The following HAS3 variants were observed in gnomAD, a reference collection of about 807,000 sequenced individuals.
The protein encoded by HAS3 is HA synthase 3.
Under a neutral mutation model 50.3 loss-of-function variants are expected in HAS3, and 27 were observed. That is an observed-to-expected ratio of 0.54 (90% CI 0.40 to 0.74). The LOEUF (loss-of-function observed/expected upper bound fraction) is 0.74, where lower values mean the gene tolerates loss of function less well. HAS3 is among the 30% of genes least tolerant of loss of function. The pLI is 0.00. For missense variants in HAS3, 517 were observed against 742.8 expected (o/e 0.70, Z 3.53); for synonymous variants, 339 against 310.9 (o/e 1.09, Z -0.95).
chr16:69,101,816 G>T (rs909257491), upstream of HAS3, among the ~76,000 whole-genome samples: 5 of 147,130 alleles, frequency 3.4e-5, no homozygotes, highest in African/African-American at 1.3e-4. Context: ...ACGGGGTCTC[G>T]CCCTGTCGCC....
chr16:69,106,242 C>T lies in HAS3; in HGVS notation c.-1+455C>T, dbSNP rs934682922. 5 of 151,732 alleles carry T rather than the reference C, an allele frequency of 3.3e-5. No individual in the cohort carries two copies. The highest frequency in any genetic ancestry group is 1.2e-4 in the African/African-American group (5 of 41,290). The allele number at this position is 151,732 out of a possible 1,614,324, so 9.4% of individuals were successfully genotyped here. On this transcript the variant is annotated intron_variant, in intron 1 of 3. Coordinates refer to ENST00000569188, the MANE Select transcript of HAS3 (RefSeq NM_001199280.2). This position sits in a 1 kb window ranked among gnomAD's most constrained non-coding sequence, Gnocchi z 5.5. ...GCGGCAGTCGGAGCGCGCGGCGGCG[C>T]GGAGCGGAGCGGGAGGAGGGGCATG...
At chr16:69,089,417 G>A in the HAS3 span, among the ~76,000 whole-genome samples, 1 of 152,296 alleles carries the variant, frequency 6.6e-6, no homozygotes, top group South Asian at 2.1e-4. Context: ...CTGACTATGA[G>A]GGGTCTTCTT....
the HAS3 span, among the ~76,000 whole-genome samples, chr16:69,097,304 G>A: frequency 3.9e-5 from 6 of 151,944 alleles, no homozygotes; most frequent in East Asian, 1.9e-4. Flanking sequence ...GTGAAACCCC[G>A]TCTCTACTAA....
the HAS3 span, among the ~76,000 whole-genome samples, chr16:69,100,305 G>C: frequency 6.6e-6 from 1 of 152,168 alleles, no homozygotes; most frequent in African/African-American, 2.4e-5. Flanking sequence ...AGCTGAAGCC[G>C]CCTTGAAGAG....
chr16:69,086,178 T>A, the HAS3 span, among the ~76,000 whole-genome samples: 1 of 151,442 alleles, frequency 6.6e-6, no homozygotes, highest in African/African-American at 2.4e-5. Context: ...AATTTTTTTT[T>A]CTTTTTAACA....
chr16:69,099,347 T>A, the HAS3 span, among the ~76,000 whole-genome samples: 2 of 146,874 alleles, frequency 1.4e-5, no homozygotes, highest in Non-Finnish European at 3.0e-5. Flanking sequence ...ATTTTTTTTT[T>A]AGATGGTGTC....
the HAS3 span, among the ~76,000 whole-genome samples, chr16:69,088,075 A>G: frequency 6.6e-6 from 1 of 152,158 alleles, no homozygotes; most frequent in East Asian, 1.9e-4. Context: ...ATCCACATGT[A>G]AGAGCCAGTG....
the HAS3 span, among the ~76,000 whole-genome samples, chr16:69,085,610 A>G: frequency 6.8e-6 from 1 of 146,564 alleles, no homozygotes; most frequent in South Asian, 2.1e-4. Context: ...TTTTTTTGAG[A>G]CAGAGTCTCA....
Position 69,106,380 on chromosome 16 carries a change from CGCGCCGGGTGGCAGGGGT to C in HAS3, c.-1+596_-1+613del, listed in dbSNP as rs1960793894. ...GCGCGGGGCTGCGCCGAGGCCGGGG[CGCGCCGGGTGGCAGGGGT>C]GCCTCTCGCCGAGCCCCCCGCACCC... On this transcript the variant is annotated intron_variant, in intron 1 of 3. Coordinates refer to ENST00000569188, the MANE Select transcript of HAS3 (RefSeq NM_001199280.2). The surrounding 1 kb of genome is among the most constrained non-coding windows in gnomAD (Gnocchi z 5.5). 1 of 147,256 alleles carries C rather than the reference CGCGCCGGGTGGCAGGGGT, an allele frequency of 6.8e-6. No individual in the cohort carries two copies. Among genetic ancestry groups the C allele is most frequent in the Non-Finnish European group, 1.5e-5 (1 of 66,078 alleles). The allele number at this position is 147,256 out of a possible 1,614,324, so 9.1% of individuals were successfully genotyped here. A position where few individuals can be genotyped will look rare whatever the true frequency, so the allele number is the denominator to read the frequency against.
In HAS3 at chr16:69,114,346, C is replaced by T; in HGVS notation, c.742C>T (p.Leu248Phe). The T allele has an allele frequency of 6.3e-7, 1 of 1,594,472 alleles. No individual in the cohort carries two copies. Among genetic ancestry groups the T allele is most frequent in the South Asian group, 1.1e-5 (1 of 90,242 alleles). Residue 248 changes from leucine to phenylalanine, a missense_variant, in exon 4 of 4, where the codon CTC (leucine) becomes TTC (phenylalanine). Transcript: ENST00000569188. This position sits in a 1 kb window ranked among gnomAD's most constrained non-coding sequence, Gnocchi z 6.4. The stretch of plus-strand genomic sequence containing the variant: ...CAGCATCTCTATTCCCTTGCAGATC[C>T]TCAACAAGTACGACTCATGGATTTC... ...VGGVGGDVQILNKYDSWISFL... is the reference protein window; with the variant it reads ...VGGVGGDVQIFNKYDSWISFL...
chr16:69,084,718 G>T, the HAS3 span: 1 of 152,358 alleles, frequency 6.6e-6, no homozygotes, highest in African/African-American at 2.4e-5. Flanking sequence ...AGAGATGCTT[G>T]ATCAGTCCTC....
upstream of HAS3, among the ~76,000 whole-genome samples, chr16:69,103,963 G>A (rs1286779461): frequency 6.6e-6 from 1 of 152,204 alleles, no homozygotes; most frequent in East Asian, 1.9e-4. Flanking sequence ...CTCCATCTTT[G>A]TGTAAGTAGG....
chr16:69,097,147 G>GA, the HAS3 span, among the ~76,000 whole-genome samples: 182 of 145,740 alleles, frequency 1.2e-3, no homozygotes, highest in Non-Finnish European at 1.5e-3. Flanking sequence ...GCAAGACTGA[G>GA]AAAAAAAAAA....
downstream of HAS3, chr16:69,118,488 G>T (rs117169105): frequency 0.023 from 31,066 of 1,353,106 alleles, 430 homozygotes; most frequent in Non-Finnish European, 0.028. Flanking sequence ...GTGAGCAGGG[G>T]ACTACATGTG....
chr16:69,099,885 T>G, the HAS3 span, among the ~76,000 whole-genome samples: 1 of 152,090 alleles, frequency 6.6e-6, no homozygotes, highest in Non-Finnish European at 1.5e-5. Context: ...AAGAGCTTTT[T>G]CTGTTTAGGA....
Position 69,116,916 on chromosome 16 carries a change from A to C in HAS3, c.*1650A>C. 1.0e-6 allele frequency: 1 copy of C among 985,464 alleles called. No homozygotes were observed. Among genetic ancestry groups the C allele is most frequent in the Non-Finnish European group, 1.2e-6 (1 of 829,928 alleles). 61.0% of individuals were successfully genotyped at this position (985,464 alleles called of 1,614,324 possible). A position where few individuals can be genotyped will look rare whatever the true frequency, so the allele number is the denominator to read the frequency against. On this transcript the variant is annotated 3_prime_UTR_variant, in exon 4 of 4. Coordinates refer to ENST00000569188, the MANE Select transcript of HAS3 (RefSeq NM_001199280.2). ...AGACAAGAGGGCAAGCCTCTAGTGT[A>C]CCAAGTGCTTCCTACAAAGACGCAA...
At chr16:69,088,327 A>C in the HAS3 span, among the ~76,000 whole-genome samples, 1 of 152,040 alleles carries the variant, frequency 6.6e-6, no homozygotes, top group African/African-American at 2.4e-5. Context: ...TGGGAGGCTG[A>C]GGCAGGCGGA....
Position 69,116,363 on chromosome 16 carries a change from C to A in HAS3, c.*1097C>A. ...CACATATGGGAACTATGAGGAGCCT[C>A]TGATCAAATTGGCTACAATCTTGGA... On this transcript the variant is annotated 3_prime_UTR_variant, in exon 4 of 4. Coordinates refer to ENST00000569188, the MANE Select transcript of HAS3 (RefSeq NM_001199280.2). 1 of 985,566 alleles carries A rather than the reference C, an allele frequency of 1.0e-6. No individual in the cohort carries two copies. Among genetic ancestry groups the A allele is most frequent in the Non-Finnish European group, 1.2e-6 (1 of 829,730 alleles). The allele number at this position is 985,566 out of a possible 1,614,324, so 61.1% of individuals were successfully genotyped here. A position where few individuals can be genotyped will look rare whatever the true frequency, so the allele number is the denominator to read the frequency against.
chr16:69,102,143 A>G (rs1321907256), upstream of HAS3, among the ~76,000 whole-genome samples: 1 of 152,198 alleles, frequency 6.6e-6, no homozygotes, highest in Non-Finnish European at 1.5e-5. Context: ...GATGGCAGGG[A>G]CCAGCCCGAG....
Sources: allele counts gnomAD v4.1 joint callset (sites outside exome capture counted in the v4.1 genomes callset), GRCh38; gene constraint gnomAD v4.1.1; non-coding constraint Gnocchi (gnomAD v3.1); transcripts MANE v1.5; gene names NCBI Gene and HGNC (gene_info 2026-07-23, HGNC 2026-07-21).